The following LDLRAD4 variants were observed in gnomAD, a reference collection of about 807,000 sequenced individuals.
The protein encoded by LDLRAD4 is low density lipoprotein receptor class A domain containing 4.
In LDLRAD4, 5 loss-of-function variants were observed where a neutral mutation model predicts 17.0. The ratio of observed to expected loss-of-function variants is 0.29; its 90% CI spans 0.15 to 0.62. The LOEUF (loss-of-function observed/expected upper bound fraction) is 0.62. LDLRAD4 is among the 20% of genes least tolerant of loss of function. LDLRAD4 has a pLI of 0.84. For missense variants in LDLRAD4, 340 were observed against 424.7 expected (o/e 0.80, Z 1.75); for synonymous variants, 168 against 171.8 (o/e 0.98, Z 0.17).
chr18:13,416,694 T>C (rs1363330554), intron 2 of LDLRAD4, among the ~76,000 whole-genome samples: 1 of 152,238 alleles, frequency 6.6e-6, no homozygotes, highest in Non-Finnish European at 1.5e-5. Flanking sequence ...TTTTCTTTGC[T>C]ATTTGCAAAA....
intron 3 of LDLRAD4, chr18:13,526,138 A>G (rs936727392): frequency 2.0e-5 from 3 of 152,166 alleles, no homozygotes; most frequent in African/African-American, 7.2e-5. Context: ...TAGGATGGAT[A>G]TGGGATATAT....
intron 2 of LDLRAD4, among the ~76,000 whole-genome samples, chr18:13,413,914 TTTTTTTTTAAATCAC>T: frequency 6.6e-6 from 1 of 150,994 alleles, no homozygotes; most frequent in South Asian, 2.1e-4. Flanking sequence ...AAAAAAAAAA[TTTTTTTTTAAATCAC>T]TGGGAAAAGA....
At chr18:13,522,115 A>G (rs1470397799) in intron 3 of LDLRAD4, 1 of 152,028 alleles carries the variant, frequency 6.6e-6, no homozygotes, top group Non-Finnish European at 1.5e-5. Flanking sequence ...AATATTTCCC[A>G]TCTGTTTCTT....
At chr18:13,572,374 C>T (rs1433736346) in intron 3 of LDLRAD4, among the ~76,000 whole-genome samples, 1 of 152,210 alleles carries the variant, frequency 6.6e-6, no homozygotes, top group Non-Finnish European at 1.5e-5. Flanking sequence ...CTTCCCTGCT[C>T]CAGGGTCAGT....
chr18:13,256,175 G>GA (rs1248810489), intron 1 of LDLRAD4, among the ~76,000 whole-genome samples: 2 of 152,178 alleles, frequency 1.3e-5, no homozygotes, highest in Non-Finnish European at 2.9e-5. Context: ...TTATTCTAGG[G>GA]AAAATGAGAC....
chr18:13,417,435 CTTTTTTT>C (rs58522143), intron 2 of LDLRAD4, among the ~76,000 whole-genome samples: 1 of 139,348 alleles, frequency 7.2e-6, no homozygotes, highest in Non-Finnish European at 1.6e-5. Context: ...TGCTGTTTTT[CTTTTTTT>C]TTTTTTTTGA....
intron 1 of LDLRAD4, among the ~76,000 whole-genome samples, chr18:13,376,538 C>T (rs1198252170): frequency 6.6e-6 from 1 of 152,186 alleles, no homozygotes; most frequent in Non-Finnish European, 1.5e-5. Flanking sequence ...CAGACAGATC[C>T]TTTCAGCATC....
intron 3 of LDLRAD4, among the ~76,000 whole-genome samples, chr18:13,504,578 C>G (rs144468781): frequency 3.9e-5 from 6 of 152,264 alleles, no homozygotes; most frequent in African/African-American, 1.4e-4. Flanking sequence ...CAGGCATGCG[C>G]TATCACGCCT....
chr18:13,223,647 G>C (rs141036528), intron 1 of LDLRAD4, among the ~76,000 whole-genome samples: 24 of 152,296 alleles, frequency 1.6e-4, no homozygotes, highest in African/African-American at 4.3e-4. Context: ...GCTGCTTTCC[G>C]AAGGGCTCCC....
At chr18:13,397,183 G>A (rs1176127166) in intron 2 of LDLRAD4, among the ~76,000 whole-genome samples, 5 of 151,594 alleles carry the variant, frequency 3.3e-5, no homozygotes, top group South Asian at 2.1e-4. Context: ...TCGCTCTGTC[G>A]CCCAGGCTGG....
At chr18:13,456,242 G>A (rs77325165) in intron 3 of LDLRAD4, among the ~76,000 whole-genome samples, 5,593 of 152,260 alleles carry the variant, frequency 0.037, 120 homozygotes, top group Non-Finnish European at 0.053. Context: ...TACACGTTTT[G>A]CCTGAAAGTG....
chr18:13,512,443 G>A (rs2093796847), intron 3 of LDLRAD4, among the ~76,000 whole-genome samples: 1 of 152,204 alleles, frequency 6.6e-6, no homozygotes, highest in Admixed American at 6.5e-5. Context: ...GAGTGGAAAA[G>A]GTTGTGTGCT....
At chr18:13,282,963 G>C (rs1599105229) in intron 1 of LDLRAD4, among the ~76,000 whole-genome samples, 1 of 152,224 alleles carries the variant, frequency 6.6e-6, no homozygotes, top group Non-Finnish European at 1.5e-5. Context: ...AACACCATGT[G>C]GAAGCTGCCA....
At chr18:13,421,643 C>T (rs915985056) in intron 2 of LDLRAD4, among the ~76,000 whole-genome samples, 19 of 152,166 alleles carry the variant, frequency 1.2e-4, no homozygotes, top group African/African-American at 4.1e-4. Flanking sequence ...GTGGCTGCCC[C>T]TTACTTCTGC....
At chr18:13,501,256 A>G (rs2093609588) in intron 3 of LDLRAD4, 1 of 123,364 alleles carries the variant, frequency 8.1e-6, no homozygotes, top group Admixed American at 9.4e-5. Context: ...AATGAGCATA[A>G]TAACAATAAT....
At chr18:13,295,267 A>T (rs56949933) in intron 1 of LDLRAD4, among the ~76,000 whole-genome samples, 3 of 152,234 alleles carry the variant, frequency 2.0e-5, no homozygotes, top group Non-Finnish European at 4.4e-5. Flanking sequence ...CTTGCATGAC[A>T]TGCTCACATC....
At chr18:13,234,671 A>C (rs886648005) in intron 1 of LDLRAD4, among the ~76,000 whole-genome samples, 1 of 152,186 alleles carries the variant, frequency 6.6e-6, no homozygotes, top group African/African-American at 2.4e-5. Context: ...AAAGTCCTGC[A>C]GAAAGGCTGA....
intron 1 of LDLRAD4, among the ~76,000 whole-genome samples, chr18:13,363,165 C>G (rs574471294): frequency 5.3e-5 from 8 of 151,902 alleles, no homozygotes; most frequent in African/African-American, 1.9e-4. Flanking sequence ...CCCGTGTCTG[C>G]TAAAAATACA....
intron 1 of LDLRAD4, chr18:13,242,113 C>T (rs902167741): frequency 6.6e-5 from 10 of 152,178 alleles, no homozygotes; most frequent in African/African-American, 1.4e-4. Context: ...AACAAAAGAT[C>T]GGGGTTCTAG....
Sources: allele counts gnomAD v4.1 joint callset (sites outside exome capture counted in the v4.1 genomes callset), GRCh38; gene constraint gnomAD v4.1.1; transcripts MANE v1.5; gene names NCBI Gene and HGNC (gene_info 2026-07-23, HGNC 2026-07-21).